PRPF3: variants seen among roughly 807,000 people sequenced by gnomAD.
The protein encoded by PRPF3 is pre-mRNA processing factor 3.
PRPF3 carries 3 observed loss-of-function variants against 89.2 expected under a neutral mutation model. The ratio of observed to expected loss-of-function variants is 0.03; its 90% CI spans 0.02 to 0.09. The LOEUF is 0.09. Among genes scored for constraint, PRPF3 ranks in the 10% least tolerant of loss-of-function variants. PRPF3 has a pLI of 1.00. For missense variants in PRPF3, 463 were observed against 828.8 expected, an observed-to-expected ratio of 0.56 and a Z score of 5.42; for synonymous variants, 270 against 289.1, an observed-to-expected ratio of 0.93 and a Z score of 0.67.
chr1:150,332,816 TC>T, intron 5 of PRPF3, 49 bp downstream of exon 5: 1 of 1,591,948 alleles, frequency 6.3e-7, no homozygotes, highest in Non-Finnish European at 8.6e-7. Context: ...GCACAGAATT[TC>T]TTGCCATCCA....
At chr1:150,349,708 T>C (rs1310433043) in intron 15 of PRPF3, among the ~76,000 whole-genome samples, 6 of 152,194 alleles carry the variant, frequency 3.9e-5, no homozygotes, top group Non-Finnish European at 8.8e-5. Context: ...AGAATGAAAT[T>C]AGATAATTAT....
chr1:150,349,082 T>C, intron 14 of PRPF3, 75 bp from the exon 15 acceptor site: 1 of 1,185,446 alleles, frequency 8.4e-7, no homozygotes, highest in Non-Finnish European at 1.3e-6. Context: ...TTTTAGAGAG[T>C]TTGGGTAGAC....
At chr1:150,325,957 C>T (rs1479728643) in intron 3 of PRPF3, 76 bp downstream of exon 3, 2 of 1,546,844 alleles carry the variant, frequency 1.3e-6, no homozygotes, top group East Asian at 4.6e-5. Context: ...TACCAGTTCA[C>T]ACGTTGATAT....
intron 15 of PRPF3, among the ~76,000 whole-genome samples, chr1:150,350,690 G>A (rs1658837318): frequency 6.6e-6 from 1 of 152,208 alleles, no homozygotes; most frequent in Non-Finnish European, 1.5e-5. Context: ...ACCCAGCACA[G>A]TGGCTCACGC....
chr1:150,352,474 G>A (rs1443324478), intron 15 of PRPF3, among the ~76,000 whole-genome samples: 1 of 152,174 alleles, frequency 6.6e-6, no homozygotes, highest in Non-Finnish European at 1.5e-5. Flanking sequence ...GACCATCCTG[G>A]CTAACACGGT....
chr1:150,328,594 C>T, intron 4 of PRPF3, 128 bp downstream of exon 4: 2 of 1,040,852 alleles, frequency 1.9e-6, no homozygotes, highest in Non-Finnish European at 2.7e-6. Flanking sequence ...CTCTTGTCAC[C>T]CAGGCTGGAA....
chr1:150,343,269 ATTC>A, intron 9 of PRPF3, 37 bp from the exon 10 acceptor site: 2 of 1,410,834 alleles, frequency 1.4e-6, no homozygotes, highest in Admixed American at 3.7e-5. Context: ...ATATATATGT[ATTC>A]TTACTGCTTT....
chr1:150,340,520 C>A, intron 9 of PRPF3, 43 bp downstream of exon 9: 1 of 1,447,158 alleles, frequency 6.9e-7, no homozygotes, highest in Non-Finnish European at 9.7e-7. Context: ...AGCAGCATTA[C>A]CCATTGGAAA....
intron 4 of PRPF3, among the ~76,000 whole-genome samples, chr1:150,329,066 G>A (rs587637115): frequency 1.0e-4 from 11 of 108,608 alleles, no homozygotes; most frequent in South Asian, 5.1e-4. Flanking sequence ...GTTTCACTCT[G>A]TTGCCCATGC....
At chr1:150,342,595 T>C (rs1657872744) in intron 9 of PRPF3, among the ~76,000 whole-genome samples, 1 of 151,940 alleles carries the variant, frequency 6.6e-6, no homozygotes, top group Non-Finnish European at 1.5e-5. Flanking sequence ...CAATCTCGGC[T>C]CACTGCAACC....
At chr1:150,346,271 G>A in intron 13 of PRPF3, 135 bp downstream of exon 13, 3 of 1,233,670 alleles carry the variant, frequency 2.4e-6, no homozygotes, top group Non-Finnish European at 3.6e-6. Flanking sequence ...CTCTGCTTCT[G>A]TGTTTTTTGG....
chr1:150,344,626 G>A (rs1560114554), intron 12 of PRPF3, 79 bp downstream of exon 12: 2 of 1,471,390 alleles, frequency 1.4e-6, no homozygotes, highest in Admixed American at 1.9e-5. Flanking sequence ...AATCATTGTG[G>A]CCTAAAAGCA....
intron 9 of PRPF3, among the ~76,000 whole-genome samples, chr1:150,341,997 C>G (rs1484335976): frequency 6.6e-6 from 1 of 152,040 alleles, no homozygotes; most frequent in African/African-American, 2.4e-5. Context: ...AGCCACCGCA[C>G]CTGGCCCTAA....
At chr1:150,325,226 A>G in intron 2 of PRPF3, 139 bp downstream of exon 2, 1 of 889,530 alleles carries the variant, frequency 1.1e-6, no homozygotes, top group South Asian at 1.8e-5. Context: ...ATTATAGTGA[A>G]AATAGGCTAA....
chr1:150,325,648 C>G lies in PRPF3; in HGVS notation c.146-103C>G, dbSNP rs1337120907. 4 of 1,467,090 alleles carry G rather than the reference C, an allele frequency of 2.7e-6. No homozygotes were observed. The East Asian group carries it at 7.1e-5, about 26-fold the overall frequency. 90.9% of individuals were successfully genotyped at this position (1,467,090 alleles called of 1,614,324 possible). On this transcript the variant is annotated intron_variant, in intron 2 of 15. Transcript: ENST00000324862. The stretch of plus-strand genomic sequence containing the variant: ...CCTACAAAAAACTTAAAATTTGTTT[C>G]ACTCCTGGGAATAAAATTCCAGTGT...
intron 6 of PRPF3, 81 bp from the exon 7 acceptor site, chr1:150,334,854 C>G (rs758126186): frequency 2.6e-5 from 39 of 1,524,890 alleles, no homozygotes; most frequent in Non-Finnish European, 3.4e-5. Flanking sequence ...CAGGCTTGAG[C>G]CACCACGCCT....
chr1:150,332,759 A>T lies in PRPF3; in HGVS notation c.499A>T (p.Thr167Ser). ...KKQLSFISPP[T>S]PQPKTPSSSQ... is the part of the protein sequence containing the mutation. ...ACAGCTGAGCTTCATTAGCCCCCCTACACCTCAGGTATTGTGTCTAGATTA... is the reference window on the plus strand; with the variant it reads ...ACAGCTGAGCTTCATTAGCCCCCCTTCACCTCAGGTATTGTGTCTAGATTA... Residue 167 changes from threonine (T) to serine (S), a missense_variant, in exon 5 of 16, where the codon ACA (threonine) becomes TCA (serine). Thr to Ser is a moderately conservative substitution (Grantham distance 58). This residue lies in a region of PRPF3 where 38 missense variants were observed against 48.3 expected (regional missense o/e 0.79). Transcript: ENST00000324862. The T allele has an allele frequency of 1.2e-6, 2 of 1,613,998 alleles. No individual in the cohort carries two copies. The highest frequency in any genetic ancestry group is 1.7e-6 in the Non-Finnish European group (2 of 1,179,926).
At chr1:150,327,445 C>T (rs1367663337) in intron 3 of PRPF3, 1 of 276,516 alleles carries the variant, frequency 3.6e-6, no homozygotes, top group African/African-American at 2.3e-5. Context: ...ATAAAAATGG[C>T]TTCTTGAAGG....
chr1:150,330,236 A>ATT (rs1474243561), intron 4 of PRPF3: 2 of 151,766 alleles, frequency 1.3e-5, no homozygotes, highest in Non-Finnish European at 2.9e-5. Flanking sequence ...TTTTTTAAAG[A>ATT]TTGAGTTCCA....
Sources: gnomAD v4.1 joint callset for allele counts (sites outside exome capture counted in the v4.1 genomes callset) on GRCh38, gnomAD v4.1.1 for gene constraint, gnomAD v4.1.1 regional missense constraint, MANE v1.5 for transcripts, NCBI Gene and HGNC (gene_info 2026-07-23, HGNC 2026-07-21) for gene names.